The following SLC44A5 variants were observed in gnomAD, a reference collection of about 807,000 sequenced individuals.
SLC44A5 encodes choline transporter-like protein 5.
SLC44A5 carries 57 observed loss-of-function variants against 101.8 expected under a neutral mutation model. The ratio of observed to expected loss-of-function variants is 0.56; its 90% CI spans 0.45 to 0.70. The LOEUF is 0.70. SLC44A5 is among the 30% of genes least tolerant of loss of function. SLC44A5 has a pLI of 0.00. For synonymous variants in SLC44A5, 281 were observed against 290.9 expected, an observed-to-expected ratio of 0.97 and a Z score of 0.35; for missense variants, 737 against 853.1, an observed-to-expected ratio of 0.86 and a Z score of 1.70.
chr1:75,452,754 G>A (rs1116879), intron 2 of SLC44A5, among the ~76,000 whole-genome samples: 21 of 152,022 alleles, frequency 1.4e-4, no homozygotes, highest in East Asian at 3.9e-4. Context: ...ACTTACATCC[G>A]ATAAAACAGA....
chr1:75,224,873 G>C (rs1051145298), intron 13 of SLC44A5, among the ~76,000 whole-genome samples: 1 of 151,722 alleles, frequency 6.6e-6, no homozygotes. Flanking sequence ...TTATAAAAGA[G>C]TCAAAAATTA....
chr1:75,454,929 TATC>T (rs1666103528), intron 2 of SLC44A5, among the ~76,000 whole-genome samples: 1 of 151,998 alleles, frequency 6.6e-6, no homozygotes, highest in Non-Finnish European at 1.5e-5. Context: ...AAAGAATAAA[TATC>T]ATTAAAATGA....
chr1:75,383,290 A>T (rs1042793245), intron 3 of SLC44A5, among the ~76,000 whole-genome samples: 2 of 131,458 alleles, frequency 1.5e-5, no homozygotes, highest in Admixed American at 1.6e-4. Flanking sequence ...ATGAATAAAT[A>T]CTAAGGGAAC....
At chr1:75,711,134 G>C in the SLC44A5 span, among the ~76,000 whole-genome samples, 1 of 152,138 alleles carries the variant, frequency 6.6e-6, no homozygotes, top group African/African-American at 2.4e-5. Flanking sequence ...TTTTGTGCCA[G>C]GCTATTGGTA....
intron 3 of SLC44A5, among the ~76,000 whole-genome samples, chr1:75,368,234 C>A (rs150147075): frequency 2.2e-3 from 340 of 152,302 alleles, no homozygotes; most frequent in African/African-American, 7.5e-3. Context: ...GTACAAAGTT[C>A]TTATCATAAT....
intron 3 of SLC44A5, among the ~76,000 whole-genome samples, chr1:75,367,687 G>A (rs1293820273): frequency 6.6e-6 from 1 of 152,160 alleles, no homozygotes; most frequent in Non-Finnish European, 1.5e-5. Context: ...GGCCAAATGG[G>A]GCTGTAGCAG....
intron 3 of SLC44A5, among the ~76,000 whole-genome samples, chr1:75,376,374 C>A (rs572148112): frequency 6.6e-6 from 1 of 152,206 alleles, no homozygotes; most frequent in South Asian, 2.1e-4. Flanking sequence ...AGGCTCCACC[C>A]CTGGGGGCAG....
At chr1:75,573,405 G>A (rs532039510) in intron 1 of SLC44A5, among the ~76,000 whole-genome samples, 13 of 152,080 alleles carry the variant, frequency 8.5e-5, no homozygotes, top group African/African-American at 2.2e-4. Context: ...ACAGTTAAAC[G>A]TTGGCCACCT....
intron 2 of SLC44A5, 165 bp from the exon 3 acceptor site, chr1:75,396,786 C>G (rs1429471180): frequency 5.1e-6 from 3 of 584,300 alleles, no homozygotes; most frequent in Non-Finnish European, 9.2e-6. Flanking sequence ...CACAAAGCTG[C>G]CAATAATGAG....
chr1:75,300,517 C>T (rs1654368418), intron 5 of SLC44A5, 95 bp downstream of exon 5: 3 of 768,604 alleles, frequency 3.9e-6, no homozygotes, highest in African/African-American at 3.6e-5. Context: ...AATAGGAAGG[C>T]TTTTGGAAGA....
intron 3 of SLC44A5, among the ~76,000 whole-genome samples, chr1:75,373,386 A>G (rs1660355940): frequency 6.6e-6 from 1 of 152,042 alleles, no homozygotes; most frequent in Admixed American, 6.6e-5. Flanking sequence ...CACCCCAAAT[A>G]CAACCCTCTG....
the SLC44A5 span, among the ~76,000 whole-genome samples, chr1:75,629,141 A>G: frequency 6.6e-6 from 1 of 152,168 alleles, no homozygotes; most frequent in Non-Finnish European, 1.5e-5. Context: ...AGGGAGGGAA[A>G]GTGGAGAAGA....
intron 2 of SLC44A5, among the ~76,000 whole-genome samples, chr1:75,489,442 T>C (rs1025874615): frequency 3.3e-5 from 5 of 152,322 alleles, no homozygotes; most frequent in East Asian, 1.9e-4. Flanking sequence ...CCTGTAACCA[T>C]GGAATACAGG....
rs59962302 is a variant in SLC44A5 at position 75,330,106 on chromosome 1, TACACACACACAC to T, written c.101+9464_101+9475del. 3.3e-4 allele frequency among the ~76,000 whole-genome samples: 43 copies of T among 128,646 alleles called. No individual in the cohort carries two copies. In the South Asian group the frequency reaches 7.9e-3, roughly 23 times the overall value. 84.4% of individuals were successfully genotyped at this position (128,646 alleles called of 152,430 possible). A position where few individuals can be genotyped will look rare whatever the true frequency, so the allele number is the denominator to read the frequency against. On this transcript the variant is annotated intron_variant, in intron 4 of 23. Coordinates refer to ENST00000370859, the MANE Select transcript of SLC44A5 (RefSeq NM_001130058.2). The stretch of plus-strand genomic sequence containing the variant: ...GTGTGGCAAATGAAATATATATATA[TACACACACACAC>T]ACACACACACACACACACACACATG...
intron 5 of SLC44A5, among the ~76,000 whole-genome samples, chr1:75,294,041 G>T (rs17096626): frequency 1.3e-4 from 20 of 152,164 alleles, no homozygotes; most frequent in South Asian, 1.0e-3. Context: ...TTAAGAAAAG[G>T]TTCCTGGAAC....
the SLC44A5 span, among the ~76,000 whole-genome samples, chr1:75,620,774 G>T: frequency 6.6e-6 from 1 of 152,098 alleles, no homozygotes; most frequent in African/African-American, 2.4e-5. Flanking sequence ...CTCCCATTCT[G>T]CAGGTTGCCT....
chr1:75,386,913 A>T (rs573614255), intron 3 of SLC44A5, among the ~76,000 whole-genome samples: 3 of 152,260 alleles, frequency 2.0e-5, no homozygotes, highest in African/African-American at 7.2e-5. Flanking sequence ...CCGCATATCT[A>T]CAACTATCTG....
chr1:75,294,304 A>T (rs1653792410), intron 5 of SLC44A5, among the ~76,000 whole-genome samples: 1 of 152,212 alleles, frequency 6.6e-6, no homozygotes. Flanking sequence ...TGAGGTACAG[A>T]TGGTTATTAT....
intron 13 of SLC44A5, among the ~76,000 whole-genome samples, chr1:75,224,567 T>C (rs1473809682): frequency 6.7e-6 from 1 of 149,546 alleles, no homozygotes; most frequent in Admixed American, 6.6e-5. Flanking sequence ...ATAATGTATG[T>C]ATTTGTGTCT....
Sources: allele counts gnomAD v4.1 joint callset (sites outside exome capture counted in the v4.1 genomes callset), GRCh38; gene constraint gnomAD v4.1.1; transcripts MANE v1.5; gene names NCBI Gene and HGNC (gene_info 2026-07-23, HGNC 2026-07-21).